REDIC1: variants seen among roughly 807,000 people sequenced by gnomAD.
REDIC1 encodes the protein regulator of DNA class I crossover intermediates 1.
At chr12:39,873,638 C>G in the REDIC1 span, among the ~76,000 whole-genome samples, 1 of 151,898 alleles carries the variant, frequency 6.6e-6, no homozygotes, top group Non-Finnish European at 1.5e-5. Context: ...CATATAGAGG[C>G]AGGGGAAAAT....
the REDIC1 span, among the ~76,000 whole-genome samples, chr12:39,752,512 A>T: frequency 6.6e-6 from 1 of 152,168 alleles, no homozygotes; most frequent in Admixed American, 6.5e-5. Flanking sequence ...TGGTGGGAGA[A>T]ACAGGCAAGG....
At chr12:39,790,127 C>CTT in the REDIC1 span, among the ~76,000 whole-genome samples, 1 of 145,642 alleles carries the variant, frequency 6.9e-6, no homozygotes, top group African/African-American at 2.5e-5. Flanking sequence ...CTTTTGTGTT[C>CTT]TTTTTTTTTT....
chr12:39,745,595 A>G, the REDIC1 span, among the ~76,000 whole-genome samples: 5 of 152,354 alleles, frequency 3.3e-5, no homozygotes, highest in Middle Eastern at 3.4e-3. Flanking sequence ...TATAAATGGA[A>G]TAATTATAAA....
the REDIC1 span, among the ~76,000 whole-genome samples, chr12:39,896,510 A>G: frequency 2.1e-5 from 3 of 144,442 alleles, no homozygotes; most frequent in Admixed American, 7.2e-5. Flanking sequence ...ATGTATGTAC[A>G]TGTGTGTATA....
At chr12:39,713,348 G>A in the REDIC1 span, among the ~76,000 whole-genome samples, 1 of 124,430 alleles carries the variant, frequency 8.0e-6, no homozygotes, top group Non-Finnish European at 1.8e-5. Flanking sequence ...GTATATATGT[G>A]TATACACATA....
chr12:39,691,851 G>GT, the REDIC1 span, among the ~76,000 whole-genome samples: 7 of 151,944 alleles, frequency 4.6e-5, no homozygotes, highest in Admixed American at 2.0e-4. Flanking sequence ...GTTGCTTGTT[G>GT]TTTTTTAACG....
At chr12:39,784,406 G>T in the REDIC1 span, among the ~76,000 whole-genome samples, 360 of 152,168 alleles carry the variant, frequency 2.4e-3, 6 homozygotes, top group Admixed American at 0.018. Flanking sequence ...AACAGAGCCC[G>T]CAGAAATAAT....
At chr12:39,650,393 A>G in the REDIC1 span, 2 of 1,572,572 alleles carry the variant, frequency 1.3e-6, no homozygotes, top group African/African-American at 2.7e-5. This position sits in a 1 kb window ranked among gnomAD's most constrained non-coding sequence, Gnocchi z 4.3. Context: ...AAGCTGTAGC[A>G]TTCTGTACTT....
the REDIC1 span, among the ~76,000 whole-genome samples, chr12:39,673,861 T>C: frequency 1.3e-5 from 2 of 152,196 alleles, no homozygotes; most frequent in Non-Finnish European, 2.9e-5. Context: ...ATTTGTCTAT[T>C]ATCATCCTTC....
the REDIC1 span, among the ~76,000 whole-genome samples, chr12:39,745,407 T>A: frequency 6.7e-6 from 1 of 150,332 alleles, no homozygotes; most frequent in Admixed American, 6.6e-5. Flanking sequence ...TAATTCAGAT[T>A]TATAAAGCTG....
At chr12:39,780,522 T>C in the REDIC1 span, among the ~76,000 whole-genome samples, 1 of 152,206 alleles carries the variant, frequency 6.6e-6, no homozygotes, top group African/African-American at 2.4e-5. Context: ...AAGCAGCATC[T>C]TGGCAGGTCT....
the REDIC1 span, among the ~76,000 whole-genome samples, chr12:39,671,490 G>A: frequency 6.6e-6 from 1 of 152,158 alleles, no homozygotes; most frequent in Non-Finnish European, 1.5e-5. Context: ...AGATCCAGGT[G>A]GGCCAATTCT....
At chr12:39,712,719 ATACGTGTATATATGTATATAGACGTG>A in the REDIC1 span, among the ~76,000 whole-genome samples, 2 of 16,872 alleles carry the variant, frequency 1.2e-4, no homozygotes, top group Non-Finnish European at 2.4e-4. Flanking sequence ...ATATAGACGT[ATACGTGTATATATGTATATAGACGTG>A]TACACATATG....
chr12:39,665,747 A>C, the REDIC1 span, among the ~76,000 whole-genome samples: 14 of 151,182 alleles, frequency 9.3e-5, no homozygotes, highest in South Asian at 6.3e-4. Context: ...CTTTTATTTC[A>C]TTGAGCAGTG....
chr12:39,660,756 TTCTA>T, the REDIC1 span, among the ~76,000 whole-genome samples: 7 of 152,254 alleles, frequency 4.6e-5, no homozygotes, highest in African/African-American at 1.4e-4. Context: ...CACTTGTTCA[TTCTA>T]TCTATTATAT....
At chr12:39,720,497 C>G in the REDIC1 span, among the ~76,000 whole-genome samples, 1 of 151,986 alleles carries the variant, frequency 6.6e-6, no homozygotes, top group Non-Finnish European at 1.5e-5. Context: ...ATTATAGGGA[C>G]TAATAAAAGA....
chr12:39,627,644 C>G, the REDIC1 span, among the ~76,000 whole-genome samples: 1 of 151,932 alleles, frequency 6.6e-6, no homozygotes, highest in African/African-American at 2.4e-5. Flanking sequence ...ATATTAGGTA[C>G]CAGGGGGTTT....
chr12:39,712,632 T>C, the REDIC1 span, among the ~76,000 whole-genome samples: 1 of 145,766 alleles, frequency 6.9e-6, no homozygotes, highest in Non-Finnish European at 1.5e-5. Flanking sequence ...TGTATATATG[T>C]ATACACATTT....
At chr12:39,746,268 A>G in the REDIC1 span, among the ~76,000 whole-genome samples, 1 of 152,106 alleles carries the variant, frequency 6.6e-6, no homozygotes, top group Admixed American at 6.5e-5. Flanking sequence ...GTCTTAGCAA[A>G]TGGCACACCA....
Sources: gnomAD v4.1 joint callset for allele counts (sites outside exome capture counted in the v4.1 genomes callset) on GRCh38, gnomAD v4.1.1 for gene constraint, Gnocchi (gnomAD v3.1) non-coding constraint, MANE v1.5 for transcripts, NCBI Gene and HGNC (gene_info 2026-07-23, HGNC 2026-07-21) for gene names.